The following SP100 variants were observed in gnomAD, a reference collection of about 807,000 sequenced individuals.
The protein encoded by SP100 is nuclear autoantigen Sp-100.
Under a neutral mutation model 130.0 loss-of-function variants are expected in SP100, and 84 were observed. The observed-to-expected ratio is 0.65, with a 90% CI of 0.54 to 0.77. The LOEUF is 0.77. Ranked by LOEUF, SP100 falls within the 30% of genes least tolerant of loss-of-function variation. SP100 has a pLI of 0.00. For synonymous variants in SP100, 331 were observed against 351.7 expected (o/e 0.94, Z 0.66); for missense variants, 978 against 1,052.2 (o/e 0.93, Z 0.97).
At chr2:230,469,876 C>A (rs1266344394) in intron 14 of SP100, 139 bp from the exon 15 acceptor site, 6 of 1,512,978 alleles carry the variant, frequency 4.0e-6, no homozygotes, top group Non-Finnish European at 2.7e-6. Context: ...ATGATCAAAG[C>A]CAAAGGGTGG....
chr2:230,484,211 A>T (rs1288841316), intron 17 of SP100, among the ~76,000 whole-genome samples: 1 of 152,256 alleles, frequency 6.6e-6, no homozygotes, highest in Non-Finnish European at 1.5e-5. Flanking sequence ...CTGAAACAAG[A>T]AGGCAAAGCA....
intron 2 of SP100, among the ~76,000 whole-genome samples, chr2:230,442,275 A>C (rs976470576): frequency 1.3e-5 from 2 of 152,210 alleles, no homozygotes; most frequent in Non-Finnish European, 1.5e-5. Flanking sequence ...AACGGCAACA[A>C]TTTCTGAAAT....
chr2:230,504,908 A>G (rs1344228660), intron 21 of SP100, among the ~76,000 whole-genome samples: 13 of 152,196 alleles, frequency 8.5e-5, no homozygotes, highest in Admixed American at 8.5e-4. Flanking sequence ...GGCTATCTCA[A>G]ATTTATTCTT....
chr2:230,543,788 C>T lies in SP100; in HGVS notation c.*842C>T, dbSNP rs914291376. The T allele has an allele frequency of 7.2e-5, 11 of 152,150 alleles. No individual in the cohort carries two copies. Among genetic ancestry groups the T allele is most frequent in the Admixed American group, 2.0e-4 (3 of 15,264 alleles). 9.4% of individuals were successfully genotyped at this position (152,150 alleles called of 1,614,324 possible). A position where few individuals can be genotyped will look rare whatever the true frequency, so the allele number is the denominator to read the frequency against. On this transcript the variant is annotated 3_prime_UTR_variant, in exon 29 of 29. Transcript: ENST00000340126. ...CTATCAAACCACCAATGACATTCTT[C>T]ACAGAACTAGATAAAACTATTTTAA...
intron 17 of SP100, among the ~76,000 whole-genome samples, chr2:230,485,026 C>A (rs1314033849): frequency 6.6e-6 from 1 of 152,078 alleles, no homozygotes; most frequent in Non-Finnish European, 1.5e-5. Context: ...AACTCCTCAG[C>A]TTAAGTGATC....
At chr2:230,459,868 T>C (rs2064491085) in intron 8 of SP100, among the ~76,000 whole-genome samples, 1 of 152,204 alleles carries the variant, frequency 6.6e-6, no homozygotes, top group Non-Finnish European at 1.5e-5. Flanking sequence ...CTTTCCTGTT[T>C]GAAACCCAGT....
intron 1 of SP100, 65 bp from the exon 2 acceptor site, chr2:230,417,526 A>G (rs1254160839): frequency 1.3e-6 from 2 of 1,561,886 alleles, no homozygotes; most frequent in Non-Finnish European, 1.7e-6. Flanking sequence ...TCTAAACCTT[A>G]AAAATGTAAT....
At chr2:230,459,657 G>A (rs1051724156) in intron 8 of SP100, among the ~76,000 whole-genome samples, 1 of 152,120 alleles carries the variant, frequency 6.6e-6, no homozygotes, top group African/African-American at 2.4e-5. Flanking sequence ...CATTTCATTT[G>A]CCACTTGTGT....
intron 17 of SP100, among the ~76,000 whole-genome samples, chr2:230,478,041 AAT>A (rs751292126): frequency 6.6e-6 from 1 of 152,160 alleles, no homozygotes; most frequent in Non-Finnish European, 1.5e-5. Context: ...TTCCACTAAA[AAT>A]TTTTTTGTAC....
intron 24 of SP100, among the ~76,000 whole-genome samples, chr2:230,512,039 T>A (rs577880277): frequency 6.6e-6 from 1 of 151,978 alleles, no homozygotes; most frequent in Non-Finnish European, 1.5e-5. Flanking sequence ...CTAATTTTTT[T>A]AATTTGTTGT....
intron 24 of SP100, among the ~76,000 whole-genome samples, chr2:230,534,629 A>G (rs1436073265): frequency 6.6e-6 from 1 of 152,242 alleles, no homozygotes; most frequent in African/African-American, 2.4e-5. Context: ...TATTTGTTAC[A>G]TTAGAATTAT....
chr2:230,516,207 C>CAAG, intron 24 of SP100: 1 of 302,510 alleles, frequency 3.3e-6, no homozygotes, highest in Non-Finnish European at 4.9e-6. Context: ...GAAAATATGA[C>CAAG]ACTCTAGTCA....
intron 15 of SP100, among the ~76,000 whole-genome samples, chr2:230,471,660 C>T (rs1232767984): frequency 3.3e-5 from 5 of 152,036 alleles, no homozygotes; most frequent in African/African-American, 1.2e-4. Flanking sequence ...CACACAAAGA[C>T]TTGTGCACAG....
chr2:230,433,493 T>C (rs2063155632), intron 2 of SP100, among the ~76,000 whole-genome samples: 1 of 152,166 alleles, frequency 6.6e-6, no homozygotes, highest in Admixed American at 6.5e-5. Context: ...TGCAATTCCA[T>C]GTAAATTTTA....
At chr2:230,469,861 G>A (rs1193982803) in intron 14 of SP100, 154 bp from the exon 15 acceptor site, 2 of 1,511,220 alleles carry the variant, frequency 1.3e-6, no homozygotes, top group Non-Finnish European at 8.9e-7. Flanking sequence ...TGACCAACAG[G>A]TCAGATGATC....
At chr2:230,436,926 A>AC (rs59413754) in intron 2 of SP100, among the ~76,000 whole-genome samples, 8,098 of 67,796 alleles carry the variant, frequency 0.12, 329 homozygotes, top group Non-Finnish European at 0.14. Flanking sequence ...GTATACACAC[A>AC]AGTGTATACA....
intron 8 of SP100, among the ~76,000 whole-genome samples, chr2:230,459,575 A>C (rs2064473849): frequency 6.6e-6 from 1 of 152,176 alleles, no homozygotes; most frequent in Non-Finnish European, 1.5e-5. Context: ...CTCTCTTTGG[A>C]AGCTGCATCT....
intron 5 of SP100, 69 bp downstream of exon 5, chr2:230,446,971 T>C: frequency 1.1e-6 from 1 of 897,474 alleles, no homozygotes; most frequent in Non-Finnish European, 1.8e-6. Context: ...GTGGAGATTG[T>C]GAATCAGGGA....
chr2:230,416,401 T>G (rs1436704821), intron 1 of SP100, 73 bp downstream of exon 1: 48 of 1,317,922 alleles, frequency 3.6e-5, no homozygotes, highest in Non-Finnish European at 5.2e-5. Flanking sequence ...TAGTTCAGTT[T>G]GTGCCTAAGG....
Sources: allele counts gnomAD v4.1 joint callset (sites outside exome capture counted in the v4.1 genomes callset), GRCh38; gene constraint gnomAD v4.1.1; transcripts MANE v1.5; gene names NCBI Gene and HGNC (gene_info 2026-07-23, HGNC 2026-07-21).